The following ZMYM4 variants were observed in gnomAD, a reference collection of about 807,000 sequenced individuals.
ZMYM4 encodes zinc finger MYM-type containing 4.
A neutral mutation model predicts 183.2 loss-of-function variants in ZMYM4; 31 were observed. That is an observed-to-expected ratio of 0.17 (90% confidence interval 0.13 to 0.23). The LOEUF (loss-of-function observed/expected upper bound fraction) is 0.23, where lower values mean the gene tolerates loss of function less well. ZMYM4 is among the 10% of genes least tolerant of loss of function. ZMYM4 has a pLI of 1.00. For missense variants in ZMYM4, 1,273 were observed against 1,840.3 expected (o/e 0.69, Z 5.64); for synonymous variants, 592 against 631.2 (o/e 0.94, Z 0.93).
intron 15 of ZMYM4, among the ~76,000 whole-genome samples, chr1:35,390,577 A>C (rs1254459335): frequency 6.6e-6 from 1 of 152,182 alleles, no homozygotes; most frequent in Non-Finnish European, 1.5e-5. Flanking sequence ...TTGGAATGTC[A>C]TCAGTTAAGG....
At chr1:35,366,382 C>T (rs555685638) in intron 5 of ZMYM4, among the ~76,000 whole-genome samples, 12 of 151,954 alleles carry the variant, frequency 7.9e-5, no homozygotes, top group South Asian at 6.2e-4. Context: ...ATACAAGTTG[C>T]GGATGTCATC....
At chr1:35,285,592 A>G (rs764134417) in intron 1 of ZMYM4, among the ~76,000 whole-genome samples, 1 of 152,222 alleles carries the variant, frequency 6.6e-6, no homozygotes, top group Non-Finnish European at 1.5e-5. Flanking sequence ...AAAATACAAC[A>G]TTTAAAAATA....
intron 1 of ZMYM4, among the ~76,000 whole-genome samples, chr1:35,281,010 T>A (rs1413976991): frequency 1.3e-5 from 2 of 152,186 alleles, no homozygotes; most frequent in East Asian, 3.9e-4. Context: ...ACAGGTCGGG[T>A]GCGATGGCTC....
At chr1:35,398,783 TAGGGG>T in intron 21 of ZMYM4, 76 bp from the exon 22 acceptor site, 1 of 1,459,162 alleles carries the variant, frequency 6.9e-7, no homozygotes, top group Non-Finnish European at 9.4e-7. Flanking sequence ...TTTTGGTATT[TAGGGG>T]TTCAGGAAGT....
intron 15 of ZMYM4, among the ~76,000 whole-genome samples, chr1:35,390,438 C>G (rs534798614): frequency 6.7e-6 from 1 of 149,748 alleles, no homozygotes; most frequent in East Asian, 2.0e-4. Flanking sequence ...TGTTCTCTGG[C>G]GAGCAGGAGT....
intron 2 of ZMYM4, among the ~76,000 whole-genome samples, chr1:35,336,383 A>T (rs1642976122): frequency 6.6e-6 from 1 of 151,302 alleles, no homozygotes; most frequent in African/African-American, 2.4e-5. Flanking sequence ...CATGAGTCAC[A>T]ATTACCTTTT....
At chr1:35,289,150 G>A (rs1640641900) in intron 1 of ZMYM4, among the ~76,000 whole-genome samples, 1 of 152,178 alleles carries the variant, frequency 6.6e-6, no homozygotes, top group East Asian at 1.9e-4. Context: ...GATTGCAGTA[G>A]GAAGAATAGA....
At chr1:35,397,584 G>A (rs771556008) in intron 20 of ZMYM4, 39 bp downstream of exon 20, 29 of 1,524,776 alleles carry the variant, frequency 1.9e-5, no homozygotes, top group African/African-American at 4.2e-5. Context: ...GAAAAAACAC[G>A]TTTTACACAT....
chr1:35,288,143 A>T (rs144721685), intron 1 of ZMYM4, among the ~76,000 whole-genome samples: 36 of 152,266 alleles, frequency 2.4e-4, no homozygotes, highest in African/African-American at 8.7e-4. Context: ...GATTTTAAAA[A>T]CATTTTTGAT....
chr1:35,386,392 G>T (rs753619635), intron 11 of ZMYM4, among the ~76,000 whole-genome samples: 6 of 151,818 alleles, frequency 4.0e-5, no homozygotes, highest in Non-Finnish European at 8.8e-5. Flanking sequence ...AGGCGAAGGG[G>T]AAGCCGGCAC....
intron 13 of ZMYM4, 111 bp downstream of exon 13, chr1:35,387,715 A>T: frequency 8.7e-7 from 1 of 1,154,752 alleles, no homozygotes; most frequent in South Asian, 1.9e-5. Flanking sequence ...TTTATGTATA[A>T]CGTAAATGCC....
At chr1:35,357,059 A>G (rs544203398) in intron 2 of ZMYM4, among the ~76,000 whole-genome samples, 1 of 152,224 alleles carries the variant, frequency 6.6e-6, no homozygotes, top group East Asian at 1.9e-4. Context: ...GATTAAAACA[A>G]AATTTTTTTT....
intron 20 of ZMYM4, 65 bp from the exon 21 acceptor site, chr1:35,398,348 A>G: frequency 2.1e-6 from 3 of 1,415,244 alleles, no homozygotes; most frequent in Non-Finnish European, 3.0e-6. Flanking sequence ...TAGTGCAGTC[A>G]TTTCATTTGA....
chr1:35,290,288 C>G lies in ZMYM4; in HGVS notation c.39+21203C>G, dbSNP rs543710305. Among the ~76,000 whole-genome samples the G allele has an allele frequency of 2.0e-5, 3 of 152,238 alleles. No homozygotes were observed. The South Asian group carries it at 6.2e-4, about 32-fold the overall frequency. On this transcript the variant is annotated intron_variant, in intron 1 of 29. Coordinates refer to ENST00000314607, the MANE Select transcript of ZMYM4 (RefSeq NM_005095.3). ...TGGACTGACTTTCCAGTTTTCTTGT[C>G]TTTTTAAAAATCATATTTTATTCAG...
At chr1:35,388,059 A>G (rs1460026205) in intron 13 of ZMYM4, among the ~76,000 whole-genome samples, 3 of 152,226 alleles carry the variant, frequency 2.0e-5, no homozygotes, top group Admixed American at 6.5e-5. Flanking sequence ...TAACTCTTCT[A>G]TATGTTTATA....
intron 9 of ZMYM4, among the ~76,000 whole-genome samples, chr1:35,383,913 T>C (rs1466479058): frequency 6.6e-6 from 1 of 152,166 alleles, no homozygotes; most frequent in Non-Finnish European, 1.5e-5. Context: ...TGTAAATAAC[T>C]ATGATACCAC....
At chr1:35,397,223 TA>T (rs1358601210) in intron 19 of ZMYM4, 153 bp from the exon 20 acceptor site, 4 of 1,091,774 alleles carry the variant, frequency 3.7e-6, no homozygotes, top group Non-Finnish European at 3.6e-6. Flanking sequence ...GCTCTAGTCT[TA>T]TAAAAACAAA....
chr1:35,361,077 C>G (rs977495101), intron 3 of ZMYM4, 117 bp from the exon 4 acceptor site: 4 of 864,174 alleles, frequency 4.6e-6, no homozygotes, highest in Non-Finnish European at 6.7e-6. Flanking sequence ...TTCACTCTAA[C>G]GAGCATCTTT....
At chr1:35,325,026 TAGTA>T (rs550168443) in intron 1 of ZMYM4, among the ~76,000 whole-genome samples, 47 of 152,316 alleles carry the variant, frequency 3.1e-4, no homozygotes, top group African/African-American at 1.0e-3. Flanking sequence ...TTCTCGGTGT[TAGTA>T]AGTTCTTATG....
Sources: gnomAD v4.1 joint callset for allele counts (sites outside exome capture counted in the v4.1 genomes callset) on GRCh38, gnomAD v4.1.1 for gene constraint, MANE v1.5 for transcripts, NCBI Gene and HGNC (gene_info 2026-07-23, HGNC 2026-07-21) for gene names.